The following PBX3 variants were observed in gnomAD, a reference collection of about 807,000 sequenced individuals.
PBX3 encodes PBX homeobox 3.
In PBX3, 14 loss-of-function variants were observed where a neutral mutation model predicts 48.5. The ratio of observed to expected loss-of-function variants is 0.29; its 90% CI spans 0.19 to 0.45. The LOEUF (loss-of-function observed/expected upper bound fraction) is 0.45. Among genes scored for constraint, PBX3 ranks in the 20% least tolerant of loss-of-function variants. The pLI, the probability that PBX3 is intolerant of heterozygous loss-of-function variation, is 1.00. For missense variants in PBX3, 386 were observed against 546.7 expected (o/e 0.71, Z 2.93); for synonymous variants, 210 against 200.3 (o/e 1.05, Z -0.41).
At chr9:125,790,500 C>T (rs545917702) in intron 2 of PBX3, among the ~76,000 whole-genome samples, 58 of 152,078 alleles carry the variant, frequency 3.8e-4, no homozygotes, top group African/African-American at 1.3e-3. Flanking sequence ...GCAATCTGCT[C>T]GCCTCAGCCT....
At chr9:125,948,878 C>T (rs1274659624) in intron 5 of PBX3, among the ~76,000 whole-genome samples, 3 of 152,096 alleles carry the variant, frequency 2.0e-5, no homozygotes, top group East Asian at 1.9e-4. Context: ...GTGATCCTCC[C>T]AACTCAGCCT....
intron 5 of PBX3, among the ~76,000 whole-genome samples, chr9:125,952,267 G>A (rs955210041): frequency 6.6e-5 from 10 of 152,186 alleles, no homozygotes; most frequent in African/African-American, 2.4e-4. Context: ...ATGTTTTAGT[G>A]TCAGCTGCTT....
intron 2 of PBX3, among the ~76,000 whole-genome samples, chr9:125,898,337 C>A (rs1289842344): frequency 6.6e-6 from 1 of 151,464 alleles, no homozygotes; most frequent in African/African-American, 2.4e-5. Flanking sequence ...GATTGTGATG[C>A]ACCCTATGTT....
intron 2 of PBX3, among the ~76,000 whole-genome samples, chr9:125,849,702 A>T (rs1839524600): frequency 6.6e-6 from 1 of 151,946 alleles, no homozygotes; most frequent in African/African-American, 2.4e-5. Flanking sequence ...ATGAAATATA[A>T]TTATTTATAT....
chr9:125,871,798 T>G (rs1322878785), intron 2 of PBX3, among the ~76,000 whole-genome samples: 1 of 152,146 alleles, frequency 6.6e-6, no homozygotes, highest in African/African-American at 2.4e-5. Flanking sequence ...AAATTACATA[T>G]GGGGTTCTCA....
chr9:125,948,672 C>T (rs1842117336), intron 5 of PBX3, among the ~76,000 whole-genome samples: 1 of 150,656 alleles, frequency 6.6e-6, no homozygotes, highest in African/African-American at 2.4e-5. Flanking sequence ...TATGTATATA[C>T]TGTACATATC....
At chr9:125,916,651 A>G (rs192605472) in intron 3 of PBX3, among the ~76,000 whole-genome samples, 1 of 152,360 alleles carries the variant, frequency 6.6e-6, no homozygotes. Flanking sequence ...ATTACTGATT[A>G]TAAAATGCTT....
At chr9:125,926,511 C>G (rs1478904539) in intron 3 of PBX3, among the ~76,000 whole-genome samples, 1 of 150,488 alleles carries the variant, frequency 6.6e-6, no homozygotes, top group African/African-American at 2.5e-5. Flanking sequence ...CAGAATGAAA[C>G]TGTCTCAAAA....
At chr9:125,792,044 ACGCACGCACG>A (rs930549577) in intron 2 of PBX3, among the ~76,000 whole-genome samples, 6 of 23,554 alleles carry the variant, frequency 2.5e-4, no homozygotes, top group African/African-American at 1.0e-3. Context: ...ACACACACAC[ACGCACGCACG>A]CACGCACGCA....
chr9:125,754,808 A>G (rs1836467655), intron 2 of PBX3, among the ~76,000 whole-genome samples: 1 of 151,890 alleles, frequency 6.6e-6, no homozygotes, highest in Admixed American at 6.6e-5. Flanking sequence ...AATGTATCAA[A>G]CTGAATTGGC....
chr9:125,788,627 C>A (rs1017042478), intron 2 of PBX3, among the ~76,000 whole-genome samples: 1 of 151,974 alleles, frequency 6.6e-6, no homozygotes, highest in African/African-American at 2.4e-5. Flanking sequence ...AATCCTAGCA[C>A]TTTGGGAGGC....
At chr9:125,955,183 G>GCTCCGTTTCAGCTCTGT (rs61652637) in intron 5 of PBX3, among the ~76,000 whole-genome samples, 88,803 of 151,460 alleles carry the variant, frequency 0.59, 29,087 homozygotes, top group East Asian at 0.75. Context: ...TAGATCTCAG[G>GCTCCGTTTCAGCTCTGT]CTCCGTTTCA....
chr9:125,861,098 C>CTG (rs1346781063), intron 2 of PBX3, among the ~76,000 whole-genome samples: 1 of 151,838 alleles, frequency 6.6e-6, no homozygotes, highest in East Asian at 1.9e-4. Flanking sequence ...CCAGCCTGGG[C>CTG]AACATGGTGA....
intron 2 of PBX3, among the ~76,000 whole-genome samples, chr9:125,802,142 A>G (rs1385883191): frequency 6.6e-6 from 1 of 152,106 alleles, no homozygotes; most frequent in Non-Finnish European, 1.5e-5. Flanking sequence ...TTTTAGATTC[A>G]GAGGGTACAC....
rs1841663713 is a variant in PBX3 at position 125,929,412 on chromosome 9, CAG to C, written c.517-242_517-241del. On this transcript the variant is annotated intron_variant, in intron 3 of 8. Coordinates refer to ENST00000373489, the MANE Select transcript of PBX3 (RefSeq NM_006195.6). ...GGGAAAACATCATTTTGGAACTGGA[CAG>C]GGGTGGGTGGGAAGAGTAGTTGAAT... 4.6e-5 allele frequency among the ~76,000 whole-genome samples: 7 copies of C among 152,148 alleles called. No individual in the cohort carries two copies. The South Asian group carries it at 1.2e-3, about 27-fold the overall frequency.
At chr9:125,888,144 A>G (rs192771827) in intron 2 of PBX3, among the ~76,000 whole-genome samples, 5 of 152,288 alleles carry the variant, frequency 3.3e-5, no homozygotes, top group Non-Finnish European at 5.9e-5. Context: ...GAGAAAAATG[A>G]TTTAATGTGG....
chr9:125,860,169 C>G (rs1227570270), intron 2 of PBX3, among the ~76,000 whole-genome samples: 2 of 152,206 alleles, frequency 1.3e-5, no homozygotes, highest in Non-Finnish European at 2.9e-5. Flanking sequence ...AATGAATTAG[C>G]CACCATCTCT....
In PBX3 at chr9:125,817,862, C is replaced by T. The variant is rs191677928; in HGVS notation, c.274+69239C>T. Reference sequence around the variant, plus strand: ...TGGAGATAAATTCTTGTGAGTATAGCGTGCACCAGCTGTAGATGATGGACC... The same window carrying T: ...TGGAGATAAATTCTTGTGAGTATAGTGTGCACCAGCTGTAGATGATGGACC... On this transcript the variant is annotated intron_variant, in intron 2 of 8. Coordinates refer to ENST00000373489, the MANE Select transcript of PBX3 (RefSeq NM_006195.6). Among the ~76,000 whole-genome samples the T allele has an allele frequency of 3.0e-3, 457 of 152,230 alleles. 3 individuals are homozygous for T. The highest frequency in any genetic ancestry group is 4.1e-3 in the Admixed American group (62 of 15,292).
intron 2 of PBX3, among the ~76,000 whole-genome samples, chr9:125,841,195 A>G (rs1166837682): frequency 1.3e-5 from 2 of 152,192 alleles, no homozygotes; most frequent in Non-Finnish European, 2.9e-5. Context: ...TAAGTAGTAG[A>G]GCTTGGACTT....
Sources: gnomAD v4.1 joint callset for allele counts (sites outside exome capture counted in the v4.1 genomes callset) on GRCh38, gnomAD v4.1.1 for gene constraint, MANE v1.5 for transcripts, NCBI Gene and HGNC (gene_info 2026-07-23, HGNC 2026-07-21) for gene names.